The following ABL2 variants were observed in gnomAD, a reference collection of about 807,000 sequenced individuals.
The protein encoded by ABL2 is ABL proto-oncogene 2, non-receptor tyrosine kinase.
Under a neutral mutation model 107.7 loss-of-function variants are expected in ABL2, and 49 were observed. The observed-to-expected ratio is 0.45, with a 90% CI of 0.36 to 0.58. The LOEUF is 0.58. Among genes scored for constraint, ABL2 ranks in the 20% least tolerant of loss-of-function variants. ABL2 has a pLI of 0.00. For missense variants in ABL2, 1,245 were observed against 1,457.0 expected (o/e 0.85, Z 2.37); for synonymous variants, 549 against 548.6 (o/e 1.00, Z -0.01).
At chr1:179,221,793 CA>C (rs34844213) in intron 1 of ABL2, 27,100 of 187,676 alleles carry the variant, frequency 0.14, 1,793 homozygotes, top group African/African-American at 0.28. Flanking sequence ...AGGATTTTAC[CA>C]AAAAAAAAAA....
chr1:179,132,455 C>T (rs1316111898), intron 2 of ABL2, among the ~76,000 whole-genome samples: 1 of 152,134 alleles, frequency 6.6e-6, no homozygotes, highest in Non-Finnish European at 1.5e-5. Flanking sequence ...TCTACAAAGG[C>T]AAACTATCCA....
chr1:179,192,772 G>A (rs1661091355), intron 1 of ABL2, among the ~76,000 whole-genome samples: 1 of 152,314 alleles, frequency 6.6e-6, no homozygotes, highest in African/African-American at 2.4e-5. Context: ...TTCAAAGTAT[G>A]TTCTGAAACA....
At chr1:179,163,046 G>A (rs1659164390) in intron 1 of ABL2, among the ~76,000 whole-genome samples, 1 of 152,164 alleles carries the variant, frequency 6.6e-6, no homozygotes, top group East Asian at 1.9e-4. Context: ...ATGAGTTGAG[G>A]CTCTAACAAC....
chr1:179,228,400 G>A (rs1663354206), intron 1 of ABL2, among the ~76,000 whole-genome samples: 1 of 151,962 alleles, frequency 6.6e-6, no homozygotes, highest in South Asian at 2.1e-4. Flanking sequence ...AAAGTTTGGA[G>A]ACAACTATTC....
chr1:179,160,621 T>C (rs962946281), intron 1 of ABL2, among the ~76,000 whole-genome samples: 5 of 152,078 alleles, frequency 3.3e-5, no homozygotes, highest in Admixed American at 3.3e-4. Context: ...ATGATAAAAA[T>C]TCATGCTTTG....
intron 1 of ABL2, among the ~76,000 whole-genome samples, chr1:179,133,761 C>T (rs570446383): frequency 1.1e-4 from 16 of 152,278 alleles, no homozygotes; most frequent in African/African-American, 2.6e-4. Flanking sequence ...CTATATACTA[C>T]GTTTTTCCTA....
chr1:179,181,294 A>C (rs1660361667), intron 1 of ABL2, among the ~76,000 whole-genome samples: 1 of 152,228 alleles, frequency 6.6e-6, no homozygotes, highest in South Asian at 2.1e-4. Context: ...TGAAGAGGAA[A>C]ATAATTTTGG....
intron 4 of ABL2, among the ~76,000 whole-genome samples, chr1:179,124,463 G>GTTTTTT (rs1462541075): frequency 2.5e-5 from 1 of 39,470 alleles, no homozygotes; most frequent in Non-Finnish European, 4.4e-5. Context: ...ATTAGCTTCT[G>GTTTTTT]CTTTTTTTTT....
At chr1:179,180,487 G>A (rs1245214538) in intron 1 of ABL2, among the ~76,000 whole-genome samples, 1 of 152,078 alleles carries the variant, frequency 6.6e-6, no homozygotes, top group Non-Finnish European at 1.5e-5. Context: ...CTGCTGCTAA[G>A]GCCTACCACC....
chr1:179,110,936 G>C, intron 10 of ABL2: 9 of 1,542,382 alleles, frequency 5.8e-6, no homozygotes, highest in Non-Finnish European at 8.0e-6. Flanking sequence ...TGAAAGCTGT[G>C]GTTACTCTGC....
At chr1:179,180,037 A>C (rs1222267947) in intron 1 of ABL2, among the ~76,000 whole-genome samples, 2 of 151,334 alleles carry the variant, frequency 1.3e-5, no homozygotes, top group Non-Finnish European at 2.9e-5. Flanking sequence ...ACTTGAGCCT[A>C]GGGAGGTTGA....
chr1:179,100,556 C>T lies in ABL2; in HGVS notation c.*7162G>A. The T allele has an allele frequency of 4.4e-6, 1 of 229,362 alleles. No homozygotes were observed. Among genetic ancestry groups the T allele is most frequent in the Non-Finnish European group, 8.6e-6 (1 of 115,644 alleles). 14.2% of individuals were successfully genotyped at this position (229,362 alleles called of 1,614,324 possible). A position where few individuals can be genotyped will look rare whatever the true frequency, so the allele number is the denominator to read the frequency against. ...CAAATTTAAGCAAGTTCTGACTACA[C>T]AAACTCCTTATGTTTCCTTTCATAA... On this transcript the variant is annotated 3_prime_UTR_variant, in exon 12 of 12. Transcript: ENST00000502732.
intron 1 of ABL2, among the ~76,000 whole-genome samples, chr1:179,148,039 C>CTTTTTTT (rs1393464807): frequency 5.3e-5 from 7 of 131,042 alleles, no homozygotes; most frequent in African/African-American, 8.5e-5. Context: ...CTTTTCTTTT[C>CTTTTTTT]TTTTTTTTTT....
chr1:179,182,476 A>C (rs1302795549), intron 1 of ABL2, among the ~76,000 whole-genome samples: 1 of 150,378 alleles, frequency 6.6e-6, no homozygotes, highest in South Asian at 2.1e-4. Flanking sequence ...TAAGCCAATG[A>C]CCTGGCTTAG....
At position 179,109,163 on chromosome 1, in the gene ABL2, A is replaced by G. The variant is rs1264641579; in HGVS notation, c.2104T>C (p.Ser702Pro). 6.2e-7 allele frequency: 1 copy of G among 1,613,728 alleles called. No individual in the cohort carries two copies. The highest frequency in any genetic ancestry group is 2.2e-5 in the East Asian group (1 of 44,842). Residue 702 changes from serine to proline, a missense_variant, in exon 12 of 12, where the codon TCT becomes CCT. Physicochemically the swap from Ser to Pro is moderately conservative, Grantham distance 74 (BLOSUM62 -1). Coordinates refer to ENST00000502732, the MANE Select transcript of ABL2 (RefSeq NM_007314.4). ...GCCTCTTGCTGGGCAGGAGTGAAAG[A>G]GAACCCATCAGCATGCTGTAGAGAA... ...VASLQHADGF[S>P]FTPAQQEANL... is the part of the protein sequence containing the mutation.
Position 179,108,335 on chromosome 1 carries a change from C to A in ABL2, c.2932G>T (p.Val978Leu), listed in dbSNP as rs1422833662. The A allele has an allele frequency of 6.2e-7, 1 of 1,614,198 alleles. No homozygotes were observed. Among genetic ancestry groups the A allele is most frequent in the Non-Finnish European group, 8.5e-7 (1 of 1,180,048 alleles). Residue 978 changes from valine to leucine, a missense_variant, in exon 12 of 12, where the codon GTA (valine) becomes TTA (leucine). By Grantham distance (32) the Val-to-Leu change is conservative. Coordinates refer to ENST00000502732, the MANE Select transcript of ABL2 (RefSeq NM_007314.4). ...GGGGGTGGGGCACACTTTGGTTTTA[C>A]CCGTCGGGGTCGGTCCTTGTCTCCA... ...SSGDKDRPRR[V>L]KPKCAPPPPP... is the part of the protein sequence containing the mutation.
chr1:179,127,860 C>A (rs945169996), intron 3 of ABL2, among the ~76,000 whole-genome samples: 1 of 151,968 alleles, frequency 6.6e-6, no homozygotes, highest in Non-Finnish European at 1.5e-5. Flanking sequence ...GGTGAAACCT[C>A]ATCTCTACCA....
chr1:179,226,310 C>CTT (rs745831850), intron 1 of ABL2, among the ~76,000 whole-genome samples: 79 of 130,998 alleles, frequency 6.0e-4, no homozygotes, highest in Non-Finnish European at 9.4e-4. Context: ...ATTATCCCTA[C>CTT]TTTTTTTTTT....
At chr1:179,127,427 T>G (rs140528728) in intron 3 of ABL2, among the ~76,000 whole-genome samples, 7 of 152,308 alleles carry the variant, frequency 4.6e-5, no homozygotes, top group African/African-American at 1.4e-4. Context: ...CACTCTGAAG[T>G]TGGAAACCAA....
Sources: gnomAD v4.1 joint callset for allele counts (sites outside exome capture counted in the v4.1 genomes callset) on GRCh38, gnomAD v4.1.1 for gene constraint, MANE v1.5 for transcripts, NCBI Gene and HGNC (gene_info 2026-07-23, HGNC 2026-07-21) for gene names.